The following PABPC4L variants were observed in gnomAD, a reference collection of about 807,000 sequenced individuals.
PABPC4L encodes the protein poly(A) binding protein cytoplasmic 4 like, also known as polyadenylate-binding protein 4-like.
For synonymous variants in PABPC4L, 169 were observed against 164.1 expected (o/e 1.03, Z -0.23); for missense variants, 452 against 451.4 (o/e 1.00, Z -0.01).
chr4:134,072,612 C>G, the PABPC4L span, among the ~76,000 whole-genome samples: 3 of 152,128 alleles, frequency 2.0e-5, no homozygotes, highest in African/African-American at 7.2e-5. Context: ...ATTTTCTCAG[C>G]AGACACCCAT....
the PABPC4L span, among the ~76,000 whole-genome samples, chr4:134,055,727 T>C: frequency 6.6e-6 from 1 of 151,676 alleles, no homozygotes; most frequent in African/African-American, 2.4e-5. Flanking sequence ...TCCTAGTGCT[T>C]TGTCATAAAC....
the PABPC4L span, among the ~76,000 whole-genome samples, chr4:134,113,516 G>C: frequency 7.2e-4 from 109 of 151,956 alleles, 1 homozygote; most frequent in African/African-American, 2.2e-3. Flanking sequence ...TTATAGCTTA[G>C]ATGTGTAGTA....
At chr4:134,092,312 G>T in the PABPC4L span, among the ~76,000 whole-genome samples, 1 of 152,030 alleles carries the variant, frequency 6.6e-6, no homozygotes, top group Non-Finnish European at 1.5e-5. Flanking sequence ...GAAGAAAAGA[G>T]AGTAAGTGCC....
the PABPC4L span, among the ~76,000 whole-genome samples, chr4:134,133,114 TATATA>T: frequency 1.8e-4 from 3 of 17,056 alleles, no homozygotes; most frequent in South Asian, 3.1e-3. Flanking sequence ...AATTATATAT[TATATA>T]ATATATCATA....
At chr4:134,016,979 G>A in the PABPC4L span, among the ~76,000 whole-genome samples, 1 of 152,132 alleles carries the variant, frequency 6.6e-6, no homozygotes, top group Non-Finnish European at 1.5e-5. Context: ...GATAGGTAGA[G>A]GCCTTTCCTA....
the PABPC4L span, among the ~76,000 whole-genome samples, chr4:134,092,728 T>C: frequency 6.6e-6 from 1 of 151,980 alleles, no homozygotes; most frequent in African/African-American, 2.4e-5. Flanking sequence ...CACTCACCTG[T>C]ATCCTCTCCC....
chr4:134,025,066 C>A, the PABPC4L span, among the ~76,000 whole-genome samples: 6 of 150,354 alleles, frequency 4.0e-5, no homozygotes, highest in South Asian at 1.3e-3. Context: ...CACGGTGGCT[C>A]ACACCTGTAA....
the PABPC4L span, among the ~76,000 whole-genome samples, chr4:134,175,107 G>A: frequency 6.6e-6 from 1 of 152,112 alleles, no homozygotes; most frequent in Non-Finnish European, 1.5e-5. Flanking sequence ...TCAGAACATA[G>A]TAAAACATGA....
the PABPC4L span, among the ~76,000 whole-genome samples, chr4:133,964,573 A>G: frequency 6.6e-6 from 1 of 152,164 alleles, no homozygotes; most frequent in African/African-American, 2.4e-5. Context: ...TCCATGATAC[A>G]GTACTAGCTA....
At chr4:134,140,368 A>T in the PABPC4L span, among the ~76,000 whole-genome samples, 2 of 152,020 alleles carry the variant, frequency 1.3e-5, no homozygotes, top group East Asian at 1.9e-4. Context: ...AAATTAAAAA[A>T]TAACTTGGGA....
In PABPC4L at chr4:134,199,396, A is replaced by C. The variant is rs954197155; in HGVS notation, c.*511T>G. On this transcript the variant is annotated 3_prime_UTR_variant, in exon 2 of 2. Transcript: ENST00000421491. ...TCTGACTATTTTAAGCATTAATTCAAAATGAAATTAGGTCTTTAAATTCGT... is the reference window on the plus strand; with the variant it reads ...TCTGACTATTTTAAGCATTAATTCACAATGAAATTAGGTCTTTAAATTCGT... The C allele has an allele frequency of 2.6e-5, 4 of 152,246 alleles. No homozygotes were observed. Among genetic ancestry groups the C allele is most frequent in the African/African-American group, 9.7e-5 (4 of 41,448 alleles). 9.4% of individuals were successfully genotyped at this position (152,246 alleles called of 1,614,324 possible).
the PABPC4L span, among the ~76,000 whole-genome samples, chr4:133,981,802 T>C: frequency 1.3e-5 from 2 of 152,050 alleles, no homozygotes; most frequent in African/African-American, 4.8e-5. Context: ...GTTCTGGAAC[T>C]CTTTATTAGT....
chr4:134,017,379 C>A, the PABPC4L span, among the ~76,000 whole-genome samples: 1 of 152,104 alleles, frequency 6.6e-6, no homozygotes, highest in African/African-American at 2.4e-5. Flanking sequence ...AGACACCAGA[C>A]CAACTTGGAC....
At chr4:134,095,324 C>T in the PABPC4L span, among the ~76,000 whole-genome samples, 2 of 151,806 alleles carry the variant, frequency 1.3e-5, no homozygotes, top group African/African-American at 2.4e-5. Flanking sequence ...AATATTCACT[C>T]TAGTGTGATA....
the PABPC4L span, among the ~76,000 whole-genome samples, chr4:133,989,971 A>C: frequency 2.0e-5 from 3 of 152,038 alleles, no homozygotes; most frequent in Non-Finnish European, 4.4e-5. Context: ...AGCCCTTTAT[A>C]CATAAGATCT....
chr4:134,171,902 A>C, the PABPC4L span, among the ~76,000 whole-genome samples: 1 of 152,124 alleles, frequency 6.6e-6, no homozygotes, highest in African/African-American at 2.4e-5. Flanking sequence ...TCAGAAAGAC[A>C]ATCCCATTCA....
chr4:133,950,906 C>T, the PABPC4L span, among the ~76,000 whole-genome samples: 9 of 152,268 alleles, frequency 5.9e-5, no homozygotes, highest in East Asian at 1.7e-3. Flanking sequence ...ATTTATTAGG[C>T]CCTACTCTGT....
chr4:133,959,824 T>C, the PABPC4L span, among the ~76,000 whole-genome samples: 1 of 152,238 alleles, frequency 6.6e-6, no homozygotes, highest in Non-Finnish European at 1.5e-5. Context: ...TGAAATTGTT[T>C]GGCTATGTTC....
chr4:134,068,030 T>A, the PABPC4L span, among the ~76,000 whole-genome samples: 9 of 152,134 alleles, frequency 5.9e-5, no homozygotes, highest in Non-Finnish European at 1.0e-4. Context: ...AGATATTTGT[T>A]AGGTCCATTT....
Sources: allele counts gnomAD v4.1 joint callset (sites outside exome capture counted in the v4.1 genomes callset), GRCh38; gene constraint gnomAD v4.1.1; transcripts MANE v1.5; gene names NCBI Gene and HGNC (gene_info 2026-07-23, HGNC 2026-07-21).